CHRD: variants seen among roughly 807,000 people sequenced by gnomAD.
CHRD encodes chordin.
CHRD carries 69 observed loss-of-function variants against 113.7 expected under a neutral mutation model. The observed-to-expected ratio is 0.61, with a 90% CI of 0.50 to 0.74. The LOEUF (loss-of-function observed/expected upper bound fraction) is 0.74, where lower values mean the gene tolerates loss of function less well. Among genes scored for constraint, CHRD ranks in the 30% least tolerant of loss-of-function variants. The pLI is 0.00. For synonymous variants in CHRD, 561 were observed against 540.8 expected (o/e 1.04, Z -0.52); for missense variants, 1,194 against 1,295.8 (o/e 0.92, Z 1.21).
At position 184,384,947 on chromosome 3, in the gene CHRD, G is replaced by A; in HGVS notation, c.1598-71G>A. 1 of 1,480,256 alleles carries A rather than the reference G, an allele frequency of 6.8e-7. No homozygotes were observed. Among genetic ancestry groups the A allele is most frequent in the Non-Finnish European group, 9.4e-7 (1 of 1,068,600 alleles). 91.7% of individuals were successfully genotyped at this position (1,480,256 alleles called of 1,614,324 possible). A position where few individuals can be genotyped will look rare whatever the true frequency, so the allele number is the denominator to read the frequency against. ...CTCGTGGAATGTGTGCTGGGGAGCT[G>A]GGAATGCTGGGTTTGAGGGCTTGCC... On this transcript the variant is annotated intron_variant, in intron 13 of 22. Coordinates refer to ENST00000204604, the Ensembl canonical transcript of CHRD. The surrounding 1 kb of genome is among the most constrained non-coding windows in gnomAD (Gnocchi z 4.4).
At position 184,388,153 on chromosome 3, in the gene CHRD, C is replaced by T. The variant is rs1716614754; in HGVS notation, c.2554+120C>T. 2 of 857,056 alleles carry T rather than the reference C, an allele frequency of 2.3e-6. No homozygotes were observed. The highest frequency in any genetic ancestry group is 3.8e-6 in the Non-Finnish European group (2 of 527,410). The allele number at this position is 857,056 out of a possible 1,614,324, so 53.1% of individuals were successfully genotyped here. A position where few individuals can be genotyped will look rare whatever the true frequency, so the allele number is the denominator to read the frequency against. ...TACTGAGCACTGCTCTGTGCCTAGC[C>T]TGGAGCCAGGACTCTAAATGCAGTG... On this transcript the variant is annotated intron_variant, in intron 20 of 22. Transcript: ENST00000204604. This position sits in a 1 kb window ranked among gnomAD's most constrained non-coding sequence, Gnocchi z 6.1.
Position 184,380,864 on chromosome 3 carries a change from TGGACTC to T in CHRD, c.252+73_252+78del. On this transcript the variant is annotated intron_variant, in intron 2 of 22. Coordinates refer to ENST00000204604, the Ensembl canonical transcript of CHRD. The surrounding 1 kb of genome is among the most constrained non-coding windows in gnomAD (Gnocchi z 6.3). ...GCGCCGGGTCGCGCGGGCGTCGGAGTGGACTCGGAGCTGCTGAGAAGGAGCCCAGTC... is the reference window on the plus strand; with the variant it reads ...GCGCCGGGTCGCGCGGGCGTCGGAGTGGAGCTGCTGAGAAGGAGCCCAGTC... 2 of 1,202,812 alleles carry T rather than the reference TGGACTC, an allele frequency of 1.7e-6. No individual in the cohort carries two copies. Among genetic ancestry groups the T allele is most frequent in the Non-Finnish European group, 2.3e-6 (2 of 865,096 alleles). 74.5% of individuals were successfully genotyped at this position (1,202,812 alleles called of 1,614,324 possible).
rs1188942208 is a variant in CHRD at position 184,383,245 on chromosome 3, T to C, written c.1214-67T>C. The stretch of plus-strand genomic sequence containing the variant: ...AGTGCCAGGGTGGGTGTGGGAGAGA[T>C]CCTGTGGACTGGGGGTGTAAGCGGC... On this transcript the variant is annotated intron_variant, in intron 10 of 22. Transcript: ENST00000204604. 2.5e-6 allele frequency: 4 copies of C among 1,589,544 alleles called. No individual in the cohort carries two copies. In the Admixed American group the frequency reaches 6.7e-5, roughly 27 times the overall value.
In CHRD at chr3:184,383,355, C is replaced by T. The variant is rs749002394; in HGVS notation, c.1257C>T (p.Val419=). ...GTGGGGCTGATGCCCTGATCCCAGT[C>T]CAGACGGGTGCTGCCGGCTCAGCCA... Residue 419 remains valine, a synonymous_variant, in exon 11 of 23, where the codon GTC becomes GTT. Coordinates refer to ENST00000204604, the Ensembl canonical transcript of CHRD. 34 of 1,613,830 alleles carry T rather than the reference C, an allele frequency of 2.1e-5. No homozygotes were observed. The South Asian group carries it at 3.3e-4, about 16-fold the overall frequency.
Position 184,382,032 on chromosome 3 carries a change from C to T in CHRD, c.699+12C>T. On this transcript the variant is annotated intron_variant, in intron 6 of 22. Transcript: ENST00000204604. ...CCCAAGATGGCCTGGTGAGATGATG[C>T]CATTTATGAGCACTTGCCCAGTCTG... is the stretch of plus-strand genomic sequence containing the variant. 6.2e-7 allele frequency: 1 copy of T among 1,613,300 alleles called. No individual in the cohort carries two copies. Among genetic ancestry groups the T allele is most frequent in the Non-Finnish European group, 8.5e-7 (1 of 1,179,878 alleles).
At position 184,380,650 on chromosome 3, in the gene CHRD, C is replaced by A. The variant is rs974589552; in HGVS notation, c.149-42C>A. On this transcript the variant is annotated intron_variant, in intron 1 of 22. Coordinates refer to ENST00000204604, the Ensembl canonical transcript of CHRD. The surrounding 1 kb of genome is among the most constrained non-coding windows in gnomAD (Gnocchi z 6.3). ...GGGCAGCCCCCGGGGCGGCACACGGCGCGAGCTGGGCAGCGGCCTCCAGCC... is the reference window on the plus strand; with the variant it reads ...GGGCAGCCCCCGGGGCGGCACACGGAGCGAGCTGGGCAGCGGCCTCCAGCC... The A allele has an allele frequency of 2.2e-5, 33 of 1,472,326 alleles. No homozygotes were observed. Among genetic ancestry groups the A allele is most frequent in the Non-Finnish European group, 2.7e-5 (30 of 1,108,258 alleles). 91.2% of individuals were successfully genotyped at this position (1,472,326 alleles called of 1,614,324 possible). A position where few individuals can be genotyped will look rare whatever the true frequency, so the allele number is the denominator to read the frequency against.
Position 184,384,386 on chromosome 3 carries a change from A to C in CHRD, c.1441-151A>C. ...TTACATAGCTAGGAAGCAGCAGGGG[A>C]GGGCCTTGAAACTGGGCCTGCCAGG... On this transcript the variant is annotated intron_variant, in intron 12 of 22. Transcript: ENST00000204604. This position sits in a 1 kb window ranked among gnomAD's most constrained non-coding sequence, Gnocchi z 4.4. 1.2e-6 allele frequency: 1 copy of C among 809,854 alleles called. No individual in the cohort carries two copies. The highest frequency in any genetic ancestry group is 1.7e-6 in the Non-Finnish European group (1 of 573,432). The allele number at this position is 809,854 out of a possible 1,614,324, so 50.2% of individuals were successfully genotyped here. A position where few individuals can be genotyped will look rare whatever the true frequency, so the allele number is the denominator to read the frequency against.
chr3:184,388,555 T>A lies in CHRD; in HGVS notation c.2555-32T>A, dbSNP rs747575869. The A allele has an allele frequency of 6.3e-7, 1 of 1,596,484 alleles. No homozygotes were observed. Among genetic ancestry groups the A allele is most frequent in the Non-Finnish European group, 8.5e-7 (1 of 1,176,598 alleles). ...ACTCATAAAACCTTGTTGGTCCTCC[T>A]GGGCTGATCCTTTCTCTTTCCCTCT... On this transcript the variant is annotated intron_variant, in intron 20 of 22. Coordinates refer to ENST00000204604, the Ensembl canonical transcript of CHRD. This position sits in a 1 kb window ranked among gnomAD's most constrained non-coding sequence, Gnocchi z 6.1.
In CHRD at chr3:184,381,481, C is replaced by A. The variant is rs73053787; in HGVS notation, c.383-15C>A. ...TGGCCAGCTGAAGCCCGTGTTCTTA[C>A]CCCCCCGCCCGCAGAGCGCAGCAGT... On this transcript the variant is annotated splice_polypyrimidine_tract_variant and intron_variant, in intron 3 of 22. Coordinates refer to ENST00000204604, the Ensembl canonical transcript of CHRD. The surrounding 1 kb of genome is among the most constrained non-coding windows in gnomAD (Gnocchi z 4.7). 1.5e-4 allele frequency: 244 copies of A among 1,580,880 alleles called. No homozygotes were observed. In the African/African-American group the frequency reaches 3.2e-3, roughly 21 times the overall value.
At chr3:184,390,191 TCCC>T (rs1716959440), downstream of CHRD, 1 of 55,708 alleles carries the variant, frequency 1.8e-5, no homozygotes, top group African/African-American at 7.5e-5. Context: ...TCCCTTTCTT[TCCC>T]TCCCCTCCCC....
At chr3:184,386,156 G>T in exon 15 of CHRD, 2 of 1,614,130 alleles carry the variant, frequency 1.2e-6, no homozygotes, top group Non-Finnish European at 1.7e-6. Flanking sequence ...AGCTCCGAGG[G>T]CAGGTAGGTG....
In CHRD at chr3:184,382,620, C is replaced by T. The variant is rs201596243; in HGVS notation, c.842-14C>T. On this transcript the variant is annotated splice_polypyrimidine_tract_variant and intron_variant, in intron 7 of 22. Transcript: ENST00000204604. The stretch of plus-strand genomic sequence containing the variant: ...AGGGTTTCTGACGGGCTCTCATCAT[C>T]GTCCCTTCCCCAGAGACCTTCAGTG... The T allele has an allele frequency of 1.1e-5, 17 of 1,611,758 alleles. No homozygotes were observed. The African/African-American group carries it at 1.2e-4, about 11-fold the overall frequency.
At chr3:184,386,122 C>G (rs758226724) in exon 15 of CHRD, 1 of 1,614,182 alleles carries the variant, frequency 6.2e-7, no homozygotes, top group Non-Finnish European at 8.5e-7. Context: ...CTGATGATCA[C>G]CACCAAGGGT....
At chr3:184,382,488 G>A in exon 7 of CHRD, 1 of 1,614,084 alleles carries the variant, frequency 6.2e-7, no homozygotes, top group Non-Finnish European at 8.5e-7. Flanking sequence ...CCCTTCAGGG[G>A]AGGTCTGGGG....
exon 12 of CHRD, chr3:184,383,586 A>G (rs2108648211): frequency 2.5e-6 from 4 of 1,614,040 alleles, no homozygotes; most frequent in Non-Finnish European, 3.4e-6. Flanking sequence ...GCCTCAGCGG[A>G]GGGATCAGCG....
rs1240323695 is a variant in CHRD, at chr3:184,384,306, AT to A, written c.1441-228del. 1.3e-5 allele frequency among the ~76,000 whole-genome samples: 2 copies of A among 152,170 alleles called. No homozygotes were observed. The highest frequency in any genetic ancestry group is 2.9e-5 in the Non-Finnish European group (2 of 68,040). ...ATAGTTTTTGGCTTTCACAGTATCC[AT>A]TTGAGAGATGAGGAAGTGAAGACTT... On this transcript the variant is annotated intron_variant, in intron 12 of 22. Coordinates refer to ENST00000204604, the Ensembl canonical transcript of CHRD. This position sits in a 1 kb window ranked among gnomAD's most constrained non-coding sequence, Gnocchi z 4.4.
chr3:184,386,446 C>T (rs973493816), intron 15 of CHRD, 46 bp from the exon 16 acceptor site: 30 of 1,529,306 alleles, frequency 2.0e-5, no homozygotes, highest in African/African-American at 1.4e-4. Flanking sequence ...CTGGTAAAGA[C>T]GCGAGGGGGA....
At chr3:184,390,238 CCTTCA>C (rs1716972787), downstream of CHRD, 1 of 114,390 alleles carries the variant, frequency 8.7e-6, no homozygotes, top group African/African-American at 3.3e-5. Context: ...CCTCCCCTTC[CCTTCA>C]CTCTCCCTTC....
In CHRD at chr3:184,388,588, G is replaced by T. The variant is rs1488442407; in HGVS notation, c.2556G>T (p.Val852=). Residue 852 remains valine, a splice_region_variant and synonymous_variant, in exon 21 of 23, where the codon GTG becomes GTT. Coordinates refer to ENST00000204604, the Ensembl canonical transcript of CHRD. This position sits in a 1 kb window ranked among gnomAD's most constrained non-coding sequence, Gnocchi z 6.1. ...TCCTTTCTCTTTCCCTCTCAACAGT[G>T]GGGTCGGGGGCCCACCCCCAGCTGG... 8.1e-6 allele frequency: 13 copies of T among 1,609,180 alleles called. No homozygotes were observed. The highest frequency in any genetic ancestry group is 1.0e-5 in the Non-Finnish European group (12 of 1,179,708).
Sources: allele counts gnomAD v4.1 joint callset (sites outside exome capture counted in the v4.1 genomes callset), GRCh38; gene constraint gnomAD v4.1.1; non-coding constraint Gnocchi (gnomAD v3.1); transcripts MANE v1.5; gene names NCBI Gene and HGNC (gene_info 2026-07-23, HGNC 2026-07-21).